Variants in TANGO6 observed in about 807,000 individuals in gnomAD.
TANGO6 encodes the protein transport and Golgi organization protein 6 homolog.
In TANGO6, 90 loss-of-function variants were observed where a neutral mutation model predicts 114.2. The observed-to-expected ratio is 0.79, with a 90% confidence interval of 0.66 to 0.94. The LOEUF (loss-of-function observed/expected upper bound fraction) is 0.94, where lower values mean the gene tolerates loss of function less well. TANGO6 is among the 40% of genes least tolerant of loss of function. The probability of loss-of-function intolerance (pLI) is 0.00; values close to 1 mark genes in which losing one functional copy is unlikely to be tolerated. For synonymous variants in TANGO6, 477 were observed against 509.8 expected (o/e 0.94, Z 0.87); for missense variants, 1,274 against 1,315.3 (o/e 0.97, Z 0.49).
intron 14 of TANGO6, among the ~76,000 whole-genome samples, chr16:68,959,310 C>T (rs1042028522): frequency 2.0e-5 from 3 of 152,022 alleles, no homozygotes; most frequent in Admixed American, 6.6e-5. Context: ...AAAAATGGGC[C>T]GAGTGCGGTG....
At position 68,859,986 on chromosome 16, in the gene TANGO6, A is replaced by C; in HGVS notation, c.197A>C (p.Gln66Pro). 6.2e-7 allele frequency: 1 copy of C among 1,613,880 alleles called. No homozygotes were observed. The highest frequency in any genetic ancestry group is 8.5e-7 in the Non-Finnish European group (1 of 1,179,794). The change falls in exon 2 of 18, where the codon CAG becomes CCG. Residue 66 changes from glutamine (Q) to proline (P), a missense_variant. Physicochemically the swap from Gln to Pro is moderately conservative, Grantham distance 76. This residue lies in a region of TANGO6 where 114 missense variants were observed against 104.6 expected (regional missense o/e 1.09). Transcript: ENST00000261778. Reference protein sequence around the residue: ...ALEDKFLKDPQWKNLKLLRDE... With the variant: ...ALEDKFLKDPPWKNLKLLRDE... Reference sequence around the variant, plus strand: ...GAGGACAAGTTTCTGAAGGATCCTCAGTGGAAGAATCTGAAACTCCTAAGA... The same window carrying C: ...GAGGACAAGTTTCTGAAGGATCCTCCGTGGAAGAATCTGAAACTCCTAAGA...
chr16:68,856,467 C>A (rs1219875958), intron 1 of TANGO6, among the ~76,000 whole-genome samples: 2 of 152,182 alleles, frequency 1.3e-5, no homozygotes, highest in Non-Finnish European at 2.9e-5. Flanking sequence ...TTATTCTTTT[C>A]TATATCACTG....
At chr16:68,964,887 G>T (rs1963629821) in intron 14 of TANGO6, among the ~76,000 whole-genome samples, 1 of 151,992 alleles carries the variant, frequency 6.6e-6, no homozygotes, top group East Asian at 1.9e-4. Context: ...TTTTTAAATG[G>T]ATGCCTTATA....
At chr16:68,896,855 C>T (rs1962712778) in intron 7 of TANGO6, among the ~76,000 whole-genome samples, 1 of 152,000 alleles carries the variant, frequency 6.6e-6, no homozygotes. Flanking sequence ...TGTTTCTATC[C>T]GTGAACTTGG....
intron 15 of TANGO6, among the ~76,000 whole-genome samples, chr16:68,992,557 A>G (rs1379857476): frequency 6.6e-6 from 1 of 152,210 alleles, no homozygotes; most frequent in African/African-American, 2.4e-5. Flanking sequence ...GCATTATGCC[A>G]AGGCAAAAGC....
At chr16:68,943,929 G>C (rs1886171161) in intron 14 of TANGO6, among the ~76,000 whole-genome samples, 1 of 152,190 alleles carries the variant, frequency 6.6e-6, no homozygotes, top group Non-Finnish European at 1.5e-5. Flanking sequence ...CTTAGAGCAA[G>C]AGAGTAAGAA....
At chr16:68,993,204 C>T (rs1194195432) in intron 15 of TANGO6, among the ~76,000 whole-genome samples, 3 of 152,188 alleles carry the variant, frequency 2.0e-5, no homozygotes, top group African/African-American at 7.2e-5. Context: ...CACAAGATGT[C>T]ATTGGCAAGG....
intron 5 of TANGO6, among the ~76,000 whole-genome samples, chr16:68,875,856 C>T (rs535441526): frequency 1.3e-5 from 2 of 151,754 alleles, no homozygotes; most frequent in South Asian, 2.1e-4. Flanking sequence ...CAAGTTTCAT[C>T]TTGTTCGTTA....
chr16:68,974,081 G>C lies in TANGO6; in HGVS notation c.2755G>C (p.Ala919Pro). The C allele has an allele frequency of 6.2e-7, 1 of 1,613,578 alleles. No individual in the cohort carries two copies. Among genetic ancestry groups the C allele is most frequent in the East Asian group, 2.2e-5 (1 of 44,870 alleles). Residue 919 changes from alanine (A) to proline (P), a missense_variant, in exon 15 of 18, where the codon GCT becomes CCT. Ala to Pro is a conservative substitution (Grantham distance 27, BLOSUM62 -1). Transcript: ENST00000261778. ...TGAGAAAATCTTGCCGGACTTGTTG[G>C]CTCAATATGACAGCAGCAAAGACAA... ...YPEKILPDLL[A>P]QYDSSKDKHT...
chr16:68,946,823 C>T (rs1963419070), intron 14 of TANGO6, among the ~76,000 whole-genome samples: 2 of 152,274 alleles, frequency 1.3e-5, no homozygotes, highest in Middle Eastern at 3.4e-3. Flanking sequence ...TCATTGCTTG[C>T]ACTTTTGATA....
chr16:68,919,996 G>A (rs1355250633), intron 12 of TANGO6, among the ~76,000 whole-genome samples: 5 of 152,154 alleles, frequency 3.3e-5, no homozygotes, highest in Admixed American at 6.5e-5. Flanking sequence ...GCAGTGAGCC[G>A]AAATCGTGCC....
intron 14 of TANGO6, among the ~76,000 whole-genome samples, chr16:68,962,391 A>G (rs1963601739): frequency 6.6e-6 from 1 of 152,160 alleles, no homozygotes. Flanking sequence ...GTGCCTTCCC[A>G]CTTCTGTTAA....
chr16:69,049,172 A>G (rs1959907573), intron 17 of TANGO6, among the ~76,000 whole-genome samples: 1 of 152,140 alleles, frequency 6.6e-6, no homozygotes, highest in African/African-American at 2.4e-5. Flanking sequence ...AATGCTCATC[A>G]ATATCTAATT....
At chr16:68,885,791 A>G (rs1962531620) in intron 7 of TANGO6, 1 of 152,162 alleles carries the variant, frequency 6.6e-6, no homozygotes, top group South Asian at 2.1e-4. Flanking sequence ...TCATCTGTTG[A>G]TGGATATTTG....
In TANGO6 at chr16:68,941,969, A is replaced by C. The variant is rs79450955; in HGVS notation, c.2701+11674A>C. On this transcript the variant is annotated intron_variant, in intron 14 of 17. Transcript: ENST00000261778. Reference sequence around the variant, plus strand: ...CCCCCATCTCTTAGGGGGAAAAAAAACAGAATTACAGGTTACTGTAAAATT... The same window carrying C: ...CCCCCATCTCTTAGGGGGAAAAAAACCAGAATTACAGGTTACTGTAAAATT... Among the ~76,000 whole-genome samples the C allele has an allele frequency of 5.3e-5, 8 of 152,266 alleles. No homozygotes were observed. In the South Asian group the frequency reaches 1.2e-3, roughly 24 times the overall value.
At chr16:69,046,154 C>G (rs1959854736) in intron 17 of TANGO6, among the ~76,000 whole-genome samples, 1 of 151,782 alleles carries the variant, frequency 6.6e-6, no homozygotes, top group Admixed American at 6.6e-5. Context: ...ACTTAACATT[C>G]ATAATGTCCA....
At chr16:69,071,048 A>G (rs1379051719) in intron 17 of TANGO6, among the ~76,000 whole-genome samples, 17 of 152,182 alleles carry the variant, frequency 1.1e-4, no homozygotes. Context: ...GTGTGATTAC[A>G]GGTGTGAGCC....
Position 68,878,284 on chromosome 16 carries a change from A to G in TANGO6, c.1294+4A>G, listed in dbSNP as rs1168864064. 6.3e-7 allele frequency: 1 copy of G among 1,592,628 alleles called. No homozygotes were observed. The highest frequency in any genetic ancestry group is 8.5e-7 in the Non-Finnish European group (1 of 1,170,788). On this transcript the variant is annotated splice_donor_region_variant and intron_variant, in intron 6 of 17. Transcript: ENST00000261778. ...CATCGATGTTTGAATACAGCAGGTA[A>G]AGGAGGAAGTGTGGTGGCTGTGTGT...
intron 12 of TANGO6, among the ~76,000 whole-genome samples, chr16:68,925,725 A>G (rs1321047133): frequency 6.6e-6 from 1 of 152,000 alleles, no homozygotes; most frequent in Non-Finnish European, 1.5e-5. Flanking sequence ...GTTAACTTGT[A>G]GGAGTTTTAT....
Sources: allele counts gnomAD v4.1 joint callset (sites outside exome capture counted in the v4.1 genomes callset), GRCh38; gene constraint gnomAD v4.1.1; regional missense constraint gnomAD v4.1.1; transcripts MANE v1.5; gene names NCBI Gene and HGNC (gene_info 2026-07-23, HGNC 2026-07-21).